IDH3B: variants seen among roughly 807,000 people sequenced by gnomAD.
The protein encoded by IDH3B is isocitrate dehydrogenase [NAD] subunit beta, mitochondrial.
Under a neutral mutation model 47.5 loss-of-function variants are expected in IDH3B, and 40 were observed. The ratio of observed to expected loss-of-function variants is 0.84; its 90% CI spans 0.65 to 1.10. The LOEUF is 1.10. IDH3B is among the 50% of genes least tolerant of loss of function. The pLI, the probability that IDH3B is intolerant of heterozygous loss-of-function variation, is 0.00. For synonymous variants in IDH3B, 185 were observed against 191.0 expected, an observed-to-expected ratio of 0.97 and a Z score of 0.26; for missense variants, 450 against 505.2, an observed-to-expected ratio of 0.89 and a Z score of 1.05.
Position 2,658,621 on chromosome 20 carries a change from G to T in IDH3B, c.*130C>A. The T allele has an allele frequency of 1.9e-6, 3 of 1,613,382 alleles. No individual in the cohort carries two copies. The highest frequency in any genetic ancestry group is 2.5e-6 in the Non-Finnish European group (3 of 1,179,686). ...TGTCCCCTAAGGAAGCCGGCCCAAG[G>T]ACAACCTAGGCTCTACCCAGCAAGG... On this transcript the variant is annotated 3_prime_UTR_variant, in exon 12 of 12. Coordinates refer to ENST00000380843, the MANE Select transcript of IDH3B (RefSeq NM_006899.5).
chr20:2,664,110 C>T (rs2087004319), intron 1 of IDH3B, 43 bp downstream of exon 1: 2 of 1,606,998 alleles, frequency 1.2e-6, no homozygotes, highest in South Asian at 1.1e-5. Context: ...ACAAACTCTC[C>T]GCTCCTTCGC....
chr20:2,660,445 CA>C lies in IDH3B; in HGVS notation c.665+11del, dbSNP rs757055804. ...CCCAGGAACCCATCCTACACAAAGC[CA>C]TGCCCCTCACATGATGTTGGCCTTG... is the stretch of plus-strand genomic sequence containing the variant. On this transcript the variant is annotated intron_variant, in intron 7 of 11. Transcript: ENST00000380843. The surrounding 1 kb of genome is among the most constrained non-coding windows in gnomAD (Gnocchi z 5.6). 1 of 1,614,106 alleles carries C rather than the reference CA, an allele frequency of 6.2e-7. No individual in the cohort carries two copies. The highest frequency in any genetic ancestry group is 2.2e-5 in the East Asian group (1 of 44,868).
At chr20:2,661,372 A>AT (rs1051664879) in intron 4 of IDH3B, among the ~76,000 whole-genome samples, 16 of 152,088 alleles carry the variant, frequency 1.1e-4, no homozygotes, top group African/African-American at 2.9e-4. Context: ...AATTTTTTGT[A>AT]TTTTTAGTAG....
rs748822744 is a variant in IDH3B, at chr20:2,663,527, T to TC, written c.255dup (p.Ser86GlufsTer2). On this transcript the variant is annotated frameshift_variant, in exon 4 of 12. Transcript: ENST00000380843. LOFTEE classifies it high-confidence loss of function. ...TCAGATGCCATATTCTGCACCTCACTCAGGTGGTGCTCCTGGAACTCCACT... is the reference window on the plus strand; with the variant it reads ...TCAGATGCCATATTCTGCACCTCACTCCAGGTGGTGCTCCTGGAACTCCACT... The TC allele has an allele frequency of 8.1e-6, 13 of 1,613,950 alleles. No homozygotes were observed.
At chr20:2,663,395 G>C in intron 4 of IDH3B, 51 bp downstream of exon 4, 1 of 1,607,740 alleles carries the variant, frequency 6.2e-7, no homozygotes, top group Non-Finnish European at 8.5e-7. Context: ...TAAACATTTG[G>C]TCATTTGATT....
chr20:2,659,551 C>T lies in IDH3B; in HGVS notation c.1045G>A (p.Val349Met). The change falls in exon 11 of 12, where the codon GTG (valine) becomes ATG (methionine). Residue 349 changes from valine to methionine, a missense_variant. Coordinates refer to ENST00000380843, the MANE Select transcript of IDH3B (RefSeq NM_006899.5). ...EYHSSMIADA[V>M]KKVIKVGKVR... ...TTGCCAACTTTGATCACCTTCTTCA[C>T]CGCATCTGCGATCATGCTGGAGTGA... The T allele has an allele frequency of 1.2e-6, 2 of 1,614,254 alleles. No homozygotes were observed. Among genetic ancestry groups the T allele is most frequent in the South Asian group, 1.1e-5 (1 of 91,090 alleles).
intron 4 of IDH3B, among the ~76,000 whole-genome samples, chr20:2,663,153 AAAAAG>A (rs1311079542): frequency 1.3e-5 from 2 of 151,702 alleles, no homozygotes; most frequent in East Asian, 1.9e-4. Context: ...GGAAAAAAAA[AAAAAG>A]AAAAGGGGCA....
At chr20:2,661,137 A>C (rs2086939738) in intron 4 of IDH3B, among the ~76,000 whole-genome samples, 168 bp from the exon 5 acceptor site, 1 of 151,916 alleles carries the variant, frequency 6.6e-6, no homozygotes, top group African/African-American at 2.4e-5. Context: ...AAAAGAGAAT[A>C]ATGTAGTTAA....
In IDH3B at chr20:2,658,867, G is replaced by A. The variant is rs184685144; in HGVS notation, c.1072-30C>T. 6.0e-3 allele frequency: 9,722 copies of A among 1,613,880 alleles called. 43 individuals are homozygous for A. The highest frequency in any genetic ancestry group is 7.1e-3 in the Non-Finnish European group (8,358 of 1,180,008). On this transcript the variant is annotated intron_variant, in intron 11 of 11. Coordinates refer to ENST00000380843, the MANE Select transcript of IDH3B (RefSeq NM_006899.5). ...AGCCACCACCGGCAACAGCCGTGGG[G>A]AGGGAGAAAAGAGAGCCCATGAAGG... is the stretch of plus-strand genomic sequence containing the variant.
chr20:2,659,858 G>T, intron 9 of IDH3B, 65 bp from the exon 10 acceptor site: 1 of 1,458,446 alleles, frequency 6.9e-7, no homozygotes, highest in Non-Finnish European at 9.6e-7. Flanking sequence ...GGCTTAGGTT[G>T]GAAAAGGACA....
intron 2 of IDH3B, 41 bp downstream of exon 2, chr20:2,663,884 G>C: frequency 6.2e-7 from 1 of 1,606,416 alleles, no homozygotes; most frequent in Non-Finnish European, 8.5e-7. Context: ...GCGAGGAAGG[G>C]ACAGGGTCGT....
rs375908859 is a variant in IDH3B at position 2,658,747 on chromosome 20, G to A, written c.*4C>T. The A allele has an allele frequency of 1.1e-5, 18 of 1,614,056 alleles. No homozygotes were observed. The highest frequency in any genetic ancestry group is 2.2e-5 in the East Asian group (1 of 44,896). On this transcript the variant is annotated 3_prime_UTR_variant, in exon 12 of 12. Transcript: ENST00000380843. ...CCTTGCAAGGTTGGAAGAAATAAAG[G>A]GCTCTAGCTCCCTTTAGTCTGCAGG...
In IDH3B at chr20:2,664,182, C is replaced by T; in HGVS notation, c.7G>A (p.Ala3Thr). 6.2e-7 allele frequency: 1 copy of T among 1,613,590 alleles called. No homozygotes were observed. Among genetic ancestry groups the T allele is most frequent in the South Asian group, 1.1e-5 (1 of 90,940 alleles). ...GTCAGCCAGCGGACTCCGCTCAATG[C>T]CGCCATGTTTCCCGCAGGAAGTCGC... The part of the protein sequence containing the change: MA[A>T]LSGVRWLTRA... The change falls in exon 1 of 12, where the codon GCA becomes ACA. Residue 3 changes from alanine (A) to threonine (T), a missense_variant. Coordinates refer to ENST00000380843, the MANE Select transcript of IDH3B (RefSeq NM_006899.5).
chr20:2,662,892 G>A (rs1449230597), intron 4 of IDH3B, among the ~76,000 whole-genome samples: 1 of 152,240 alleles, frequency 6.6e-6, no homozygotes, highest in African/African-American at 2.4e-5. Context: ...GGGAGGCAGA[G>A]GTTGCAGTGA....
In IDH3B at chr20:2,660,983, G is replaced by A. The variant is rs1381299285; in HGVS notation, c.338-14C>T. Reference sequence around the variant, plus strand: ...TATGAATCTTTCCTGTGAAAACAAAGTGGGAAAAGGAGTGTCAGCCACAGG... The same window carrying A: ...TATGAATCTTTCCTGTGAAAACAAAATGGGAAAAGGAGTGTCAGCCACAGG... On this transcript the variant is annotated splice_polypyrimidine_tract_variant and intron_variant, in intron 4 of 11. Coordinates refer to ENST00000380843, the MANE Select transcript of IDH3B (RefSeq NM_006899.5). This position sits in a 1 kb window ranked among gnomAD's most constrained non-coding sequence, Gnocchi z 5.6. The A allele has an allele frequency of 6.2e-7, 1 of 1,613,440 alleles. No homozygotes were observed. Among genetic ancestry groups the A allele is most frequent in the African/African-American group, 1.3e-5 (1 of 74,888 alleles).
rs2086986892 is a variant in IDH3B, at chr20:2,663,533, G to A, written c.250C>T (p.His84Tyr). 1 of 1,614,150 alleles carries A rather than the reference G, an allele frequency of 6.2e-7. No homozygotes were observed. The highest frequency in any genetic ancestry group is 8.5e-7 in the Non-Finnish European group (1 of 1,180,036). Residue 84 changes from histidine (H) to tyrosine (Y), a missense_variant, in exon 4 of 12, where the codon CAC (histidine) becomes TAC (tyrosine). By Grantham distance (83) the His-to-Tyr change is moderately conservative. Coordinates refer to ENST00000380843, the MANE Select transcript of IDH3B (RefSeq NM_006899.5). ...AAVPVEFQEHHLSEVQNMASE... is the reference protein window; with the variant it reads ...AAVPVEFQEHYLSEVQNMASE... The stretch of plus-strand genomic sequence containing the variant: ...GCCATATTCTGCACCTCACTCAGGT[G>A]GTGCTCCTGGAACTCCACTGGGACA...
chr20:2,661,955 T>C (rs2086956102), intron 4 of IDH3B, among the ~76,000 whole-genome samples: 1 of 151,936 alleles, frequency 6.6e-6, no homozygotes, highest in Admixed American at 6.6e-5. Flanking sequence ...GCTAAATATT[T>C]GAGGAGAAAA....
chr20:2,660,420 C>G lies in IDH3B; in HGVS notation c.665+37G>C. 1 of 1,614,096 alleles carries G rather than the reference C, an allele frequency of 6.2e-7. No homozygotes were observed. The highest frequency in any genetic ancestry group is 8.5e-7 in the Non-Finnish European group (1 of 1,179,996). ...GCCAAGAAAGTACAGGGGCTACCTTCCCAGGAACCCATCCTACACAAAGCC... is the reference window on the plus strand; with the variant it reads ...GCCAAGAAAGTACAGGGGCTACCTTGCCAGGAACCCATCCTACACAAAGCC... On this transcript the variant is annotated intron_variant, in intron 7 of 11. Coordinates refer to ENST00000380843, the MANE Select transcript of IDH3B (RefSeq NM_006899.5). This position sits in a 1 kb window ranked among gnomAD's most constrained non-coding sequence, Gnocchi z 5.6.
chr20:2,658,403 T>C lies in IDH3B; in HGVS notation c.*348A>G, dbSNP rs1385004411. The C allele has an allele frequency of 6.2e-7, 1 of 1,613,310 alleles. No homozygotes were observed. On this transcript the variant is annotated 3_prime_UTR_variant, in exon 12 of 12. Coordinates refer to ENST00000380843, the MANE Select transcript of IDH3B (RefSeq NM_006899.5). ...AAACAAATTCACAAGAGTTGGTTCA[T>C]GTTCTTTATTGAACACCTTACATGG...
Sources: allele counts gnomAD v4.1 joint callset (sites outside exome capture counted in the v4.1 genomes callset), GRCh38; gene constraint gnomAD v4.1.1; non-coding constraint Gnocchi (gnomAD v3.1); transcripts MANE v1.5; gene names NCBI Gene and HGNC (gene_info 2026-07-23, HGNC 2026-07-21).